CTNNA3: variants seen among roughly 807,000 people sequenced by gnomAD.
CTNNA3 encodes catenin alpha-3.
A neutral mutation model predicts 95.7 loss-of-function variants in CTNNA3; 76 were observed. The ratio of observed to expected loss-of-function variants is 0.79; its 90% CI spans 0.66 to 0.96. The LOEUF (loss-of-function observed/expected upper bound fraction) is 0.96, where lower values mean the gene tolerates loss of function less well. Among genes scored for constraint, CTNNA3 ranks in the 40% least tolerant of loss-of-function variants. The pLI is 0.00. For missense variants in CTNNA3, 1,191 were observed against 1,089.8 expected, an observed-to-expected ratio of 1.09 and a Z score of -1.31; for synonymous variants, 431 against 374.4, an observed-to-expected ratio of 1.15 and a Z score of -1.74.
chr10:67,174,802 T>C (rs1862163725), intron 7 of CTNNA3, among the ~76,000 whole-genome samples: 4 of 152,144 alleles, frequency 2.6e-5, no homozygotes, highest in Admixed American at 1.3e-4. Context: ...CTTCTTGGAC[T>C]TTGACTTTAT....
chr10:67,655,922 A>T (rs555185713), intron 1 of CTNNA3, among the ~76,000 whole-genome samples: 83 of 147,302 alleles, frequency 5.6e-4, no homozygotes, highest in African/African-American at 1.9e-3. Flanking sequence ...ATGTTAACTG[A>T]AAAAAAAAAT....
chr10:66,588,736 A>G (rs1465144251), intron 10 of CTNNA3, among the ~76,000 whole-genome samples: 1 of 152,170 alleles, frequency 6.6e-6, no homozygotes, highest in African/African-American at 2.4e-5. Context: ...GATGGGAATA[A>G]AAGACAAGAA....
intron 13 of CTNNA3, among the ~76,000 whole-genome samples, chr10:66,177,769 A>G (rs2085795045): frequency 6.6e-6 from 1 of 152,022 alleles, no homozygotes. Context: ...GAAGTAGGCC[A>G]TTTTGATAAA....
chr10:67,725,598 A>C (rs1287963945), intron 1 of CTNNA3, among the ~76,000 whole-genome samples: 1 of 152,182 alleles, frequency 6.6e-6, no homozygotes, highest in East Asian at 1.9e-4. Flanking sequence ...TCCAGAACAA[A>C]CACAGTCATA....
At chr10:66,329,456 A>G (rs1465190831) in intron 12 of CTNNA3, among the ~76,000 whole-genome samples, 1 of 151,916 alleles carries the variant, frequency 6.6e-6, no homozygotes, top group East Asian at 1.9e-4. Context: ...CCTGTGGCCT[A>G]CTCAAATGAA....
At chr10:67,147,472 G>A (rs964150068) in intron 7 of CTNNA3, among the ~76,000 whole-genome samples, 3 of 152,074 alleles carry the variant, frequency 2.0e-5, no homozygotes, top group Non-Finnish European at 4.4e-5. Context: ...TTTCACTAAA[G>A]CACAAAATGT....
chr10:66,525,072 G>A (rs1407552995), intron 10 of CTNNA3, among the ~76,000 whole-genome samples: 1 of 151,620 alleles, frequency 6.6e-6, no homozygotes, highest in African/African-American at 2.4e-5. Context: ...GAAAAGAAAA[G>A]AAAGAAAGAA....
chr10:67,627,255 G>A (rs1441061275), intron 2 of CTNNA3, among the ~76,000 whole-genome samples: 2 of 152,004 alleles, frequency 1.3e-5, no homozygotes, highest in Non-Finnish European at 2.9e-5. Context: ...TCACAAGTCC[G>A]TCCTCTGCCC....
chr10:66,646,732 A>T (rs920386722), intron 9 of CTNNA3, among the ~76,000 whole-genome samples: 18 of 152,192 alleles, frequency 1.2e-4, no homozygotes, highest in African/African-American at 4.3e-4. Context: ...GATTCCCATC[A>T]ACATACAGCA....
At chr10:66,863,467 T>C (rs1159183658) in intron 7 of CTNNA3, among the ~76,000 whole-genome samples, 1 of 151,822 alleles carries the variant, frequency 6.6e-6, no homozygotes, top group South Asian at 2.1e-4. Context: ...GAGGTAGTGG[T>C]AGATGTAGTG....
chr10:67,537,630 T>C (rs565057234), intron 4 of CTNNA3, among the ~76,000 whole-genome samples: 5 of 152,250 alleles, frequency 3.3e-5, no homozygotes, highest in Non-Finnish European at 5.9e-5. Context: ...TACCTCCTAA[T>C]TGGTTATGAA....
chr10:66,034,672 C>T (rs1462043003), intron 15 of CTNNA3, among the ~76,000 whole-genome samples: 3 of 152,136 alleles, frequency 2.0e-5, no homozygotes, highest in African/African-American at 7.2e-5. Flanking sequence ...TGTGAGTATT[C>T]CAGAGAACTC....
intron 9 of CTNNA3, among the ~76,000 whole-genome samples, chr10:66,630,920 T>C (rs1385255982): frequency 1.3e-5 from 2 of 152,252 alleles, no homozygotes; most frequent in East Asian, 3.9e-4. Context: ...AGGGAAATGA[T>C]AGAAGTCAAA....
chr10:67,143,056 T>G (rs955624276), intron 7 of CTNNA3, among the ~76,000 whole-genome samples: 1 of 152,048 alleles, frequency 6.6e-6, no homozygotes, highest in Non-Finnish European at 1.5e-5. Context: ...AGGATGGTGG[T>G]TGCTGAAGGT....
intron 9 of CTNNA3, among the ~76,000 whole-genome samples, chr10:66,712,302 G>T (rs1346579028): frequency 1.3e-5 from 2 of 152,078 alleles, no homozygotes; most frequent in Non-Finnish European, 2.9e-5. Flanking sequence ...CCCCTAGGCA[G>T]TTTAGAATAC....
chr10:66,580,357 A>C (rs1843144928), intron 10 of CTNNA3, among the ~76,000 whole-genome samples: 1 of 151,770 alleles, frequency 6.6e-6, no homozygotes, highest in African/African-American at 2.4e-5. Context: ...CATACAATGT[A>C]TAATAAAATC....
intron 16 of CTNNA3, among the ~76,000 whole-genome samples, chr10:65,972,751 G>A (rs771410687): frequency 1.3e-5 from 2 of 152,024 alleles, no homozygotes; most frequent in Non-Finnish European, 2.9e-5. Context: ...AATGAATATC[G>A]TTAAAATGGC....
chr10:66,424,608 T>C (rs181055625), intron 11 of CTNNA3, among the ~76,000 whole-genome samples: 2 of 152,134 alleles, frequency 1.3e-5, no homozygotes, highest in African/African-American at 4.8e-5. Context: ...TTTTTATTGC[T>C]GATATCTAAT....
intron 7 of CTNNA3, among the ~76,000 whole-genome samples, chr10:67,044,455 A>G (rs1188652958): frequency 6.6e-6 from 1 of 152,086 alleles, no homozygotes; most frequent in Non-Finnish European, 1.5e-5. Flanking sequence ...AAGGGAGTCA[A>G]AATGGATTGT....
Sources: allele counts gnomAD v4.1 joint callset (sites outside exome capture counted in the v4.1 genomes callset), GRCh38; gene constraint gnomAD v4.1.1; transcripts MANE v1.5; gene names NCBI Gene and HGNC (gene_info 2026-07-23, HGNC 2026-07-21).